USP53: variants seen among roughly 807,000 people sequenced by gnomAD.
The protein encoded by USP53 is ubiquitin specific peptidase 53, also known as ubiquitin carboxyl-terminal hydrolase 53.
In USP53, 71 loss-of-function variants were observed where a neutral mutation model predicts 94.9. The ratio of observed to expected loss-of-function variants is 0.75; its 90% CI spans 0.62 to 0.91. The LOEUF is 0.91. Among genes scored for constraint, USP53 ranks in the 40% least tolerant of loss-of-function variants. The pLI is 0.00. For synonymous variants in USP53, 375 were observed against 422.7 expected, an observed-to-expected ratio of 0.89 and a Z score of 1.39; for missense variants, 1,173 against 1,281.0, an observed-to-expected ratio of 0.92 and a Z score of 1.29.
intron 3 of USP53, among the ~76,000 whole-genome samples, chr4:119,231,392 A>G (rs1746057154): frequency 6.6e-6 from 1 of 152,148 alleles, no homozygotes; most frequent in Non-Finnish European, 1.5e-5. Context: ...TTAATTTTTA[A>G]TAGTTGTTGC....
intron 11 of USP53, among the ~76,000 whole-genome samples, chr4:119,261,259 C>T (rs1346266123): frequency 2.6e-5 from 4 of 152,134 alleles, no homozygotes; most frequent in Non-Finnish European, 5.9e-5. Context: ...CCACACCCCG[C>T]CATGATCTCT....
At chr4:119,242,657 G>T (rs1331767105) in intron 5 of USP53, among the ~76,000 whole-genome samples, 8 of 152,138 alleles carry the variant, frequency 5.3e-5, no homozygotes, top group Non-Finnish European at 1.0e-4. Flanking sequence ...AGCTTTGGGG[G>T]ATCTGTTGGT....
intron 15 of USP53, 150 bp from the exon 16 acceptor site, chr4:119,271,146 T>G: frequency 7.8e-7 from 1 of 1,285,480 alleles, no homozygotes; most frequent in Non-Finnish European, 1.0e-6. Flanking sequence ...GGAAAATCAC[T>G]TTTTAATCTC....
intron 9 of USP53, among the ~76,000 whole-genome samples, chr4:119,258,487 T>C (rs1468252723): frequency 1.3e-5 from 2 of 152,222 alleles, no homozygotes; most frequent in Non-Finnish European, 2.9e-5. Flanking sequence ...TTTTTGGAAA[T>C]ATTTAAATAG....
At chr4:119,225,062 C>T (rs1745053588) in intron 3 of USP53, among the ~76,000 whole-genome samples, 2 of 152,062 alleles carry the variant, frequency 1.3e-5, no homozygotes, top group Admixed American at 1.3e-4. Flanking sequence ...CTAGCCAAGA[C>T]TGATCAATAA....
intron 3 of USP53, among the ~76,000 whole-genome samples, chr4:119,229,997 A>G (rs1323062833): frequency 6.6e-6 from 1 of 152,160 alleles, no homozygotes; most frequent in African/African-American, 2.4e-5. Flanking sequence ...TCCTCCCAAC[A>G]TACGCATGAA....
rs1354496903 is a variant in USP53, at chr4:119,279,353, C to A, written c.2251+5645C>A. Among the ~76,000 whole-genome samples, 4 of 149,638 alleles carry A rather than the reference C, an allele frequency of 2.7e-5. No individual in the cohort carries two copies. In the East Asian group the frequency reaches 7.9e-4, roughly 29 times the overall value. ...CCTCAGCTGCATGTCTGTTGGAGTA[C>A]CCTGCCGTGTGAGGTGTCAGTGTGC... On this transcript the variant is annotated intron_variant, in intron 17 of 18. Coordinates refer to ENST00000692078, the MANE Select transcript of USP53 (RefSeq NM_001371395.1).
intron 7 of USP53, among the ~76,000 whole-genome samples, chr4:119,254,111 T>A (rs1749421328): frequency 6.6e-6 from 1 of 152,240 alleles, no homozygotes; most frequent in East Asian, 1.9e-4. Flanking sequence ...GGGCTTCTCT[T>A]TGTGGGTAAC....
At chr4:119,274,458 T>C (rs1752321907) in intron 17 of USP53, among the ~76,000 whole-genome samples, 1 of 152,122 alleles carries the variant, frequency 6.6e-6, no homozygotes, top group Admixed American at 6.5e-5. Context: ...TAGTATTCCA[T>C]GGTGTATATG....
chr4:119,247,543 T>C (rs2149346576), intron 6 of USP53, among the ~76,000 whole-genome samples: 1 of 152,312 alleles, frequency 6.6e-6, no homozygotes, highest in East Asian at 1.9e-4. Context: ...CTTGTATCTA[T>C]TTTTCTCTAC....
chr4:119,250,657 A>G (rs1019747052), intron 7 of USP53, among the ~76,000 whole-genome samples: 2 of 152,260 alleles, frequency 1.3e-5, no homozygotes, highest in Non-Finnish European at 2.9e-5. Context: ...CTAGGCTTAA[A>G]TTATTAAATG....
chr4:119,259,820 C>A lies in USP53; in HGVS notation c.570C>A (p.Cys190Ter). ...TTTGGGATTGCTTCTTTTTTTGTAG[C>A]AATGAGGTTGAAAGAATGTTGGAAA... ...FVRYISTTAL[C>*]NEVERMLERH... is the part of the protein sequence containing the mutation. The change falls in exon 10 of 19, where the codon TGC becomes TGA. Residue 190 changes from cysteine (C) to a stop codon, truncating the protein, a stop_gained and splice_region_variant. Transcript: ENST00000692078. LOFTEE classifies it high-confidence loss of function. The A allele has an allele frequency of 6.2e-7, 1 of 1,604,102 alleles. No individual in the cohort carries two copies. The highest frequency in any genetic ancestry group is 1.7e-5 in the Admixed American group (1 of 58,280).
intron 18 of USP53, 34 bp from the exon 19 acceptor site, chr4:119,292,304 G>A: frequency 1.3e-6 from 2 of 1,525,788 alleles, no homozygotes; most frequent in South Asian, 1.3e-5. Flanking sequence ...TTTGCATAGG[G>A]TGTTCTAGCT....
chr4:119,294,618 C>T lies in USP53; in HGVS notation c.*1407C>T, dbSNP rs1755092281. Reference sequence around the variant, plus strand: ...ATGGATAAACCTCATATTCAATAAACTAGTAAATGTAGCCACTTGACTGAT... The same window carrying T: ...ATGGATAAACCTCATATTCAATAAATTAGTAAATGTAGCCACTTGACTGAT... On this transcript the variant is annotated 3_prime_UTR_variant, in exon 19 of 19. Coordinates refer to ENST00000692078, the MANE Select transcript of USP53 (RefSeq NM_001371395.1). The T allele has an allele frequency of 6.6e-6, 1 of 152,020 alleles. No homozygotes were observed. Among genetic ancestry groups the T allele is most frequent in the South Asian group, 2.1e-4 (1 of 4,828 alleles). The allele number at this position is 152,020 out of a possible 1,614,324, so 9.4% of individuals were successfully genotyped here.
intron 3 of USP53, among the ~76,000 whole-genome samples, chr4:119,231,135 G>A (rs1746019736): frequency 6.6e-6 from 1 of 152,158 alleles, no homozygotes; most frequent in Non-Finnish European, 1.5e-5. Context: ...ACTGGAAACT[G>A]TCAGGGGTAA....
At chr4:119,270,768 A>T (rs1403158742) in intron 15 of USP53, among the ~76,000 whole-genome samples, 1 of 152,214 alleles carries the variant, frequency 6.6e-6, no homozygotes, top group African/African-American at 2.4e-5. Flanking sequence ...ATCTTTTTTC[A>T]CACATACCTT....
chr4:119,248,659 G>A, intron 6 of USP53, 89 bp from the exon 7 acceptor site: 1 of 1,458,044 alleles, frequency 6.9e-7, no homozygotes, highest in South Asian at 1.4e-5. Context: ...TCCAAGTATA[G>A]TGTTTTGAGT....
Position 119,267,494 on chromosome 4 carries a change from T to G in USP53, c.1135+12T>G. 2 of 1,600,770 alleles carry G rather than the reference T, an allele frequency of 1.2e-6. No homozygotes were observed. The highest frequency in any genetic ancestry group is 1.7e-6 in the Non-Finnish European group (2 of 1,175,292). ...TGCAGAAAATATGGGTAATTCTTTC[T>G]TTTAAAAATTCTCAATGTTTTTCTA... On this transcript the variant is annotated intron_variant, in intron 13 of 18. Coordinates refer to ENST00000692078, the MANE Select transcript of USP53 (RefSeq NM_001371395.1).
chr4:119,270,442 T>A (rs1344898112), intron 15 of USP53, among the ~76,000 whole-genome samples: 1 of 152,148 alleles, frequency 6.6e-6, no homozygotes, highest in Non-Finnish European at 1.5e-5. Context: ...CTATACTAAA[T>A]CTAAATATGC....
Sources: allele counts gnomAD v4.1 joint callset (sites outside exome capture counted in the v4.1 genomes callset), GRCh38; gene constraint gnomAD v4.1.1; transcripts MANE v1.5; gene names NCBI Gene and HGNC (gene_info 2026-07-23, HGNC 2026-07-21).